The following MYRFL variants were observed in gnomAD, a reference collection of about 807,000 sequenced individuals.
MYRFL encodes myelin regulatory factor like.
In MYRFL, 88 loss-of-function variants were observed where a neutral mutation model predicts 109.4. The observed-to-expected ratio is 0.80, with a 90% CI of 0.68 to 0.96. The LOEUF (loss-of-function observed/expected upper bound fraction) is 0.96. Ranked by LOEUF, MYRFL falls within the 40% of genes least tolerant of loss-of-function variation. The pLI is 0.00. For missense variants in MYRFL, 957 were observed against 954.9 expected, an observed-to-expected ratio of 1.00 and a Z score of -0.03; for synonymous variants, 324 against 320.9, an observed-to-expected ratio of 1.01 and a Z score of -0.10.
chr12:69,923,847 C>G (rs1380783843), intron 13 of MYRFL, among the ~76,000 whole-genome samples: 1 of 151,976 alleles, frequency 6.6e-6, no homozygotes, highest in Non-Finnish European at 1.5e-5. Context: ...CCTTCTGTTT[C>G]TAGGGGATGT....
chr12:69,927,781 A>G (rs1955143331), intron 15 of MYRFL, 33 bp downstream of exon 15: 5 of 1,493,354 alleles, frequency 3.3e-6, no homozygotes, highest in Non-Finnish European at 3.6e-6. Flanking sequence ...AAAGGAAATG[A>G]TGTTTTCTAC....
At chr12:69,947,923 G>A (rs1026842954) in intron 19 of MYRFL, among the ~76,000 whole-genome samples, 16 of 152,158 alleles carry the variant, frequency 1.1e-4, no homozygotes, top group Non-Finnish European at 2.2e-4. Flanking sequence ...ACCATGACAG[G>A]AGTATGCTTT....
At chr12:69,837,054 T>A (rs1565961138) in intron 1 of MYRFL, among the ~76,000 whole-genome samples, 2 of 152,126 alleles carry the variant, frequency 1.3e-5, no homozygotes, top group East Asian at 1.9e-4. Context: ...AAAAAAAAAA[T>A]TGAGCCTTAA....
intron 19 of MYRFL, among the ~76,000 whole-genome samples, chr12:69,938,123 A>G (rs779686160): frequency 2.0e-5 from 3 of 152,210 alleles, no homozygotes; most frequent in Admixed American, 6.5e-5. Flanking sequence ...TAAAAACTTC[A>G]TTTTAAAGAA....
At chr12:69,910,798 C>T (rs1954543394) in intron 12 of MYRFL, 23 bp from the exon 13 acceptor site, 2 of 1,466,124 alleles carry the variant, frequency 1.4e-6, no homozygotes, top group Non-Finnish European at 1.8e-6. Context: ...GAAGATTAAA[C>T]CTGTGGAGTG....
intron 21 of MYRFL, among the ~76,000 whole-genome samples, chr12:69,954,135 C>CTATT: frequency 6.6e-6 from 1 of 152,282 alleles, no homozygotes; most frequent in East Asian, 1.9e-4. Flanking sequence ...GCAGATACAG[C>CTATT]TATTAATTAA....
intron 6 of MYRFL, among the ~76,000 whole-genome samples, chr12:69,888,859 T>G (rs984589073): frequency 2.0e-5 from 3 of 152,178 alleles, no homozygotes; most frequent in Non-Finnish European, 4.4e-5. Flanking sequence ...GAAACTTGAG[T>G]CAATAAGCAG....
intron 1 of MYRFL, among the ~76,000 whole-genome samples, chr12:69,827,248 G>A (rs1234891035): frequency 6.6e-6 from 1 of 151,816 alleles, no homozygotes; most frequent in Non-Finnish European, 1.5e-5. Flanking sequence ...AAGAAACTAA[G>A]CCCTAAATAA....
intron 15 of MYRFL, among the ~76,000 whole-genome samples, chr12:69,929,134 G>GAAGT (rs1955190596): frequency 6.6e-6 from 1 of 152,116 alleles, no homozygotes; most frequent in African/African-American, 2.4e-5. Flanking sequence ...AATATTCCCA[G>GAAGT]AAGTATGACA....
At chr12:69,901,261 T>A (rs1201840245) in intron 10 of MYRFL, among the ~76,000 whole-genome samples, 2 of 152,244 alleles carry the variant, frequency 1.3e-5, no homozygotes, top group African/African-American at 4.8e-5. Context: ...CACATGTGAA[T>A]ACAAACTCAT....
chr12:69,889,595 C>T (rs1886666953), intron 6 of MYRFL, among the ~76,000 whole-genome samples: 1 of 152,168 alleles, frequency 6.6e-6, no homozygotes, highest in Admixed American at 6.5e-5. Flanking sequence ...TGGCTCACGC[C>T]TGTAATCCCA....
At chr12:69,950,004 G>C (rs1955936639) in intron 19 of MYRFL, among the ~76,000 whole-genome samples, 1 of 152,064 alleles carries the variant, frequency 6.6e-6, no homozygotes, top group Admixed American at 6.5e-5. Context: ...TTAACAAATA[G>C]TAGGTGTAAT....
chr12:69,852,741 G>A (rs559779820), intron 1 of MYRFL, among the ~76,000 whole-genome samples: 51 of 151,938 alleles, frequency 3.4e-4, no homozygotes, highest in African/African-American at 1.1e-3. Flanking sequence ...GCCGCCTTCC[G>A]CAGTGTTTGT....
chr12:69,897,296 G>A (rs1954028042), intron 10 of MYRFL, 50 bp downstream of exon 10: 1 of 1,338,552 alleles, frequency 7.5e-7, no homozygotes, highest in Non-Finnish European at 1.0e-6. Flanking sequence ...TTCCTCCTAT[G>A]TAGGCAGAAT....
chr12:69,953,444 A>C (rs1165070055), intron 21 of MYRFL, among the ~76,000 whole-genome samples: 1 of 152,162 alleles, frequency 6.6e-6, no homozygotes, highest in Non-Finnish European at 1.5e-5. Context: ...GTTGCTTCAA[A>C]GAGTACAGTG....
intron 19 of MYRFL, among the ~76,000 whole-genome samples, chr12:69,951,073 T>C (rs1955961472): frequency 6.6e-6 from 1 of 152,176 alleles, no homozygotes; most frequent in South Asian, 2.1e-4. Context: ...TAATATGCCC[T>C]TCAGTATGGT....
intron 16 of MYRFL, among the ~76,000 whole-genome samples, chr12:69,933,656 G>A (rs890371969): frequency 6.6e-6 from 1 of 151,970 alleles, no homozygotes; most frequent in African/African-American, 2.4e-5. Context: ...AATTTGACAC[G>A]ACTACCTAGA....
At chr12:69,927,882 G>A (rs2120452722) in intron 15 of MYRFL, 134 bp downstream of exon 15, 2 of 754,810 alleles carry the variant, frequency 2.6e-6, no homozygotes, top group South Asian at 2.0e-5. Context: ...TACTATATGT[G>A]TTTAAATATT....
rs1312370819 is a variant in MYRFL at position 69,879,050 on chromosome 12, C to G, written c.160C>G (p.Pro54Ala). Reference sequence around the variant, plus strand: ...CAGGCAACGCCAGCTCCCAGACACCCCGCCCTATTCTGCATCCGACTCATG... The same window carrying G: ...CAGGCAACGCCAGCTCCCAGACACCGCGCCCTATTCTGCATCCGACTCATG... ...GALQRQLPDTPPYSASDSCSP... is the reference protein window; with the variant it reads ...GALQRQLPDTAPYSASDSCSP... Residue 54 changes from proline (P) to alanine (A), a missense_variant, in exon 3 of 25, where the codon CCG becomes GCG. Pro to Ala is a conservative substitution (Grantham distance 27). Transcript: ENST00000552032. The G allele has an allele frequency of 1.4e-6, 1 of 702,972 alleles. No homozygotes were observed. Among genetic ancestry groups the G allele is most frequent in the Admixed American group, 2.0e-5 (1 of 50,012 alleles). The allele number at this position is 702,972 out of a possible 1,614,324, so 43.5% of individuals were successfully genotyped here.
Sources: allele counts gnomAD v4.1 joint callset (sites outside exome capture counted in the v4.1 genomes callset), GRCh38; gene constraint gnomAD v4.1.1; transcripts MANE v1.5; gene names NCBI Gene and HGNC (gene_info 2026-07-23, HGNC 2026-07-21).